Variants in NAV3 observed in about 807,000 individuals in gnomAD.
NAV3 encodes neuron navigator 3.
Under a neutral mutation model 244.7 loss-of-function variants are expected in NAV3, and 87 were observed. That is an observed-to-expected ratio of 0.36 (90% confidence interval 0.30 to 0.42). The LOEUF is 0.42. Among genes scored for constraint, NAV3 ranks in the 20% least tolerant of loss-of-function variants. The pLI is 1.00. For missense variants in NAV3, 2,663 were observed against 2,893.3 expected (o/e 0.92, Z 1.83); for synonymous variants, 1,126 against 1,042.2 (o/e 1.08, Z -1.55).
At chr12:77,685,511 C>CACACACACA (rs1874695710) in intron 2 of NAV3, among the ~76,000 whole-genome samples, 1 of 11,968 alleles carries the variant, frequency 8.4e-5, no homozygotes, top group African/African-American at 2.0e-4. Context: ...ACACACATAC[C>CACACACACA]CACACGCACA....
chr12:77,879,527 T>C (rs1427754031), intron 1 of NAV3, among the ~76,000 whole-genome samples: 1 of 151,652 alleles, frequency 6.6e-6, no homozygotes, highest in African/African-American at 2.4e-5. Context: ...ATATAAAAAT[T>C]AGCTGGGTGT....
intron 16 of NAV3, among the ~76,000 whole-genome samples, chr12:78,123,346 T>TA (rs996389354): frequency 1.3e-4 from 20 of 151,506 alleles, no homozygotes; most frequent in South Asian, 2.1e-4. Flanking sequence ...TTTTTTTATT[T>TA]TTTTTTTATT....
chr12:77,637,437 G>T (rs1264542878), intron 2 of NAV3, among the ~76,000 whole-genome samples: 1 of 151,708 alleles, frequency 6.6e-6, no homozygotes, highest in Admixed American at 6.6e-5. Flanking sequence ...TTCTAATACT[G>T]AAACATAATA....
intron 2 of NAV3, among the ~76,000 whole-genome samples, chr12:77,773,470 G>A (rs1047564798): frequency 5.9e-5 from 9 of 152,110 alleles, no homozygotes; most frequent in Non-Finnish European, 1.5e-5. Context: ...TTACTAAATG[G>A]TAGGAACATT....
At chr12:77,956,018 A>G (rs17044600) in intron 3 of NAV3, among the ~76,000 whole-genome samples, 1,529 of 152,300 alleles carry the variant, frequency 0.01, 33 homozygotes, top group African/African-American at 0.035. Context: ...GGGCTTGGAA[A>G]TGTCTTGATG....
At chr12:78,181,127 C>T (rs780144446) in intron 30 of NAV3, 82 bp downstream of exon 30, 287 of 1,280,502 alleles carry the variant, frequency 2.2e-4, no homozygotes, top group Middle Eastern at 2.0e-4. Flanking sequence ...GAGAACTTTA[C>T]GTACTCTTAA....
chr12:77,966,077 A>G (rs988537696), intron 3 of NAV3, 152 bp from the exon 4 acceptor site: 3 of 706,260 alleles, frequency 4.2e-6, no homozygotes, highest in African/African-American at 1.8e-5. Flanking sequence ...CAATTAGCCA[A>G]AATAATTCTA....
At chr12:77,975,650 T>C (rs1051294722) in intron 5 of NAV3, among the ~76,000 whole-genome samples, 1 of 152,206 alleles carries the variant, frequency 6.6e-6, no homozygotes, top group Non-Finnish European at 1.5e-5. Flanking sequence ...GCCTGTCTGC[T>C]TCTCTTCAAG....
intron 19 of NAV3, among the ~76,000 whole-genome samples, chr12:78,138,591 G>T (rs1256664330): frequency 6.6e-6 from 1 of 152,088 alleles, no homozygotes; most frequent in East Asian, 1.9e-4. Context: ...TTTCCATGTA[G>T]ATAGACAAAA....
chr12:77,929,798 ATTTTTTTTTT>A (rs10602394), intron 1 of NAV3, among the ~76,000 whole-genome samples: 1 of 106,044 alleles, frequency 9.4e-6, no homozygotes, highest in Non-Finnish European at 1.8e-5. Context: ...ACGGCCAGCT[ATTTTTTTTTT>A]TTTTTTTTTT....
At chr12:77,867,435 T>A (rs1021067591) in intron 1 of NAV3, among the ~76,000 whole-genome samples, 1 of 152,094 alleles carries the variant, frequency 6.6e-6, no homozygotes, top group African/African-American at 2.4e-5. Context: ...GTTGTTTGTT[T>A]TTGAGACGGA....
intron 1 of NAV3, among the ~76,000 whole-genome samples, chr12:77,904,823 A>G (rs954849084): frequency 5.3e-5 from 8 of 152,146 alleles, no homozygotes; most frequent in Admixed American, 5.2e-4. Context: ...AGTTGTTTTC[A>G]TGACTTTTTC....
chr12:77,836,889 A>G (rs1446854406), intron 1 of NAV3, among the ~76,000 whole-genome samples: 1 of 152,152 alleles, frequency 6.6e-6, no homozygotes, highest in Non-Finnish European at 1.5e-5. Flanking sequence ...TGCTTATTTA[A>G]TTCCTATTCA....
At chr12:78,171,524 G>A (rs1343103146) in intron 24 of NAV3, among the ~76,000 whole-genome samples, 2 of 151,384 alleles carry the variant, frequency 1.3e-5, no homozygotes. Context: ...AATTTGCTAG[G>A]TTTTAAAACT....
At chr12:77,588,873 C>A (rs1126286) in intron 2 of NAV3, among the ~76,000 whole-genome samples, 25,649 of 152,094 alleles carry the variant, frequency 0.17, 2,705 homozygotes, top group Admixed American at 0.25. Flanking sequence ...ATGTGAAATC[C>A]CTTTTGGTCT....
At chr12:77,654,886 G>T (rs1403468254) in intron 2 of NAV3, among the ~76,000 whole-genome samples, 2 of 149,692 alleles carry the variant, frequency 1.3e-5, no homozygotes, top group Admixed American at 6.6e-5. Flanking sequence ...CAACAGACCT[G>T]CAGCTGAGGG....
chr12:78,020,873 G>A (rs966503507), intron 8 of NAV3, among the ~76,000 whole-genome samples: 1 of 152,074 alleles, frequency 6.6e-6, no homozygotes, highest in African/African-American at 2.4e-5. Flanking sequence ...TAAGGCAAAT[G>A]AGATGTCTCT....
chr12:78,127,071 A>G, intron 16 of NAV3, 96 bp from the exon 17 acceptor site: 1 of 1,248,280 alleles, frequency 8.0e-7, no homozygotes, highest in South Asian at 1.3e-5. Context: ...TTACCAAAAA[A>G]TTATTTTTTA....
intron 2 of NAV3, among the ~76,000 whole-genome samples, chr12:77,635,406 G>A (rs1352120085): frequency 6.6e-6 from 1 of 152,140 alleles, no homozygotes. Context: ...TAAAAGAAGG[G>A]AATGTTTTAT....
Sources: allele counts gnomAD v4.1 joint callset (sites outside exome capture counted in the v4.1 genomes callset), GRCh38; gene constraint gnomAD v4.1.1; transcripts MANE v1.5; gene names NCBI Gene and HGNC (gene_info 2026-07-23, HGNC 2026-07-21).